The following HERC3 variants were observed in gnomAD, a reference collection of about 807,000 sequenced individuals.
HERC3 encodes probable E3 ubiquitin-protein ligase HERC3.
Under a neutral mutation model 129.9 loss-of-function variants are expected in HERC3, and 58 were observed. That is an observed-to-expected ratio of 0.45 (90% confidence interval 0.36 to 0.56). HERC3 has a LOEUF of 0.56. HERC3 is among the 20% of genes least tolerant of loss of function. The pLI is 0.00. For missense variants in HERC3, 835 were observed against 1,244.2 expected (o/e 0.67, Z 4.95); for synonymous variants, 430 against 451.0 (o/e 0.95, Z 0.59).
the HERC3 span, among the ~76,000 whole-genome samples, chr4:88,587,068 C>T: frequency 6.6e-6 from 1 of 152,074 alleles, no homozygotes; most frequent in South Asian, 2.1e-4. Flanking sequence ...AAAGTAAATA[C>T]AATGGCAGAT....
chr4:88,584,906 C>G, the HERC3 span, among the ~76,000 whole-genome samples: 1 of 152,192 alleles, frequency 6.6e-6, no homozygotes, highest in African/African-American at 2.4e-5. Context: ...AATGGAATAG[C>G]ATATTTCACC....
chr4:88,653,369 G>A (rs1219243400), intron 6 of HERC3, among the ~76,000 whole-genome samples: 1 of 152,222 alleles, frequency 6.6e-6, no homozygotes, highest in Non-Finnish European at 1.5e-5. Context: ...AGAACCTGTA[G>A]GAAATCAGGT....
chr4:88,635,039 G>A (rs1484132423), intron 3 of HERC3, among the ~76,000 whole-genome samples: 1 of 152,128 alleles, frequency 6.6e-6, no homozygotes, highest in African/African-American at 2.4e-5. Flanking sequence ...AAACTCATGA[G>A]GATGAGAAAG....
chr4:88,639,728 T>A (rs1727857792), intron 3 of HERC3, among the ~76,000 whole-genome samples: 1 of 152,154 alleles, frequency 6.6e-6, no homozygotes, highest in African/African-American at 2.4e-5. Flanking sequence ...AAAGCCAAAA[T>A]TGACAAATGG....
the HERC3 span, among the ~76,000 whole-genome samples, chr4:88,572,641 T>C: frequency 6.7e-6 from 1 of 148,582 alleles, no homozygotes; most frequent in Non-Finnish European, 1.5e-5. Flanking sequence ...AAAACCCGTC[T>C]CTACTAAAAT....
At chr4:88,534,327 G>A in the HERC3 span, among the ~76,000 whole-genome samples, 1 of 152,228 alleles carries the variant, frequency 6.6e-6, no homozygotes, top group South Asian at 2.1e-4. Flanking sequence ...AGAGGCCAGG[G>A]ATGCCACCAA....
chr4:88,567,319 A>G, the HERC3 span, among the ~76,000 whole-genome samples: 1 of 151,992 alleles, frequency 6.6e-6, no homozygotes, highest in Non-Finnish European at 1.5e-5. Context: ...CTCATACTTG[A>G]TATCTTTCTC....
intron 3 of HERC3, among the ~76,000 whole-genome samples, chr4:88,610,356 GGGA>G (rs1342927114): frequency 6.6e-6 from 1 of 151,946 alleles, no homozygotes; most frequent in Non-Finnish European, 1.5e-5. Context: ...AGGAGGCTAA[GGGA>G]GGAGAATTGC....
At chr4:88,684,306 A>C (rs938579721) in intron 21 of HERC3, among the ~76,000 whole-genome samples, 10 of 152,202 alleles carry the variant, frequency 6.6e-5, no homozygotes, top group Admixed American at 6.5e-4. Flanking sequence ...CCTCAGAAAT[A>C]ATACCACACA....
intron 4 of HERC3, among the ~76,000 whole-genome samples, chr4:88,651,531 A>G (rs1009908155): frequency 3.9e-5 from 6 of 152,180 alleles, no homozygotes; most frequent in African/African-American, 7.2e-5. Context: ...ATAGAAGGAG[A>G]CAAGTAGGTA....
chr4:88,609,138 C>T lies in HERC3; in HGVS notation c.226+3089C>T, dbSNP rs1392646968. ...AAAAAAAAAAAAAAAAAAAAATTAGCTGGGCATGGTGGTGTGTACCTGTTG... is the reference window on the plus strand; with the variant it reads ...AAAAAAAAAAAAAAAAAAAAATTAGTTGGGCATGGTGGTGTGTACCTGTTG... On this transcript the variant is annotated intron_variant, in intron 3 of 25. Coordinates refer to ENST00000402738, the MANE Select transcript of HERC3 (RefSeq NM_014606.3). Among the ~76,000 whole-genome samples the T allele has an allele frequency of 4.1e-5, 6 of 144,626 alleles. No individual in the cohort carries two copies. In the East Asian group the frequency reaches 1.2e-3, roughly 29 times the overall value. The allele number at this position is 144,626 out of a possible 152,430, so 94.9% of individuals were successfully genotyped here.
At chr4:88,577,624 T>TATATATATACATATATATA in the HERC3 span, among the ~76,000 whole-genome samples, 8 of 150,752 alleles carry the variant, frequency 5.3e-5, no homozygotes, top group African/African-American at 1.7e-4. Context: ...TATAATAGGT[T>TATATATATACATATATATA]TGTAATACCA....
chr4:88,552,044 A>G, the HERC3 span, among the ~76,000 whole-genome samples: 1 of 151,688 alleles, frequency 6.6e-6, no homozygotes, highest in Non-Finnish European at 1.5e-5. Context: ...ACAAAAAACC[A>G]AATACCGCAT....
chr4:88,573,288 A>G, the HERC3 span, among the ~76,000 whole-genome samples: 1 of 152,216 alleles, frequency 6.6e-6, no homozygotes, highest in African/African-American at 2.4e-5. Flanking sequence ...TTGGGTGCAC[A>G]TGGGACATAA....
At chr4:88,697,758 A>G (rs1734797812) in intron 23 of HERC3, 1 of 1,603,354 alleles carries the variant, frequency 6.2e-7, no homozygotes, top group Non-Finnish European at 8.5e-7. Context: ...CGGCCATGTT[A>G]GAGGAGAAGC....
intron 21 of HERC3, among the ~76,000 whole-genome samples, chr4:88,686,314 G>A (rs993237812): frequency 4.6e-5 from 7 of 152,162 alleles, no homozygotes; most frequent in African/African-American, 1.4e-4. Flanking sequence ...GTGACTTTGT[G>A]GCTTTTTAAA....
intron 3 of HERC3, among the ~76,000 whole-genome samples, chr4:88,627,152 A>T (rs931491553): frequency 6.6e-6 from 1 of 152,040 alleles, no homozygotes; most frequent in African/African-American, 2.4e-5. Flanking sequence ...TCTTTGACAC[A>T]TGGGTTATGA....
At chr4:88,579,708 A>G in the HERC3 span, among the ~76,000 whole-genome samples, 6 of 152,266 alleles carry the variant, frequency 3.9e-5, no homozygotes, top group African/African-American at 1.4e-4. Flanking sequence ...CAAGATATCT[A>G]TGTCCTAATC....
At chr4:88,546,235 TAACAG>T in the HERC3 span, among the ~76,000 whole-genome samples, 1 of 152,170 alleles carries the variant, frequency 6.6e-6, no homozygotes, top group East Asian at 1.9e-4. Context: ...AGGCACAGTC[TAACAG>T]AAGTTGCACC....
Sources: allele counts gnomAD v4.1 joint callset (sites outside exome capture counted in the v4.1 genomes callset), GRCh38; gene constraint gnomAD v4.1.1; transcripts MANE v1.5; gene names NCBI Gene and HGNC (gene_info 2026-07-23, HGNC 2026-07-21).